The following RBMS3 variants were observed in gnomAD, a reference collection of about 807,000 sequenced individuals.
The protein encoded by RBMS3 is RNA-binding motif, single-stranded-interacting protein 3.
Under a neutral mutation model 66.8 loss-of-function variants are expected in RBMS3, and 27 were observed. That is an observed-to-expected ratio of 0.40 (90% CI 0.30 to 0.56). RBMS3 has a LOEUF of 0.56. Among genes scored for constraint, RBMS3 ranks in the 20% least tolerant of loss-of-function variants. RBMS3 has a pLI of 0.40. For missense variants in RBMS3, 513 were observed against 549.5 expected (o/e 0.93, Z 0.66); for synonymous variants, 188 against 183.0 (o/e 1.03, Z -0.22).
At chr3:29,507,781 A>G (rs548459372) in intron 3 of RBMS3, among the ~76,000 whole-genome samples, 3 of 152,258 alleles carry the variant, frequency 2.0e-5, no homozygotes, top group Admixed American at 6.5e-5. Context: ...ACAATTCTCT[A>G]AACATAATGC....
chr3:29,694,592 G>A (rs1281037586), intron 4 of RBMS3, among the ~76,000 whole-genome samples: 1 of 152,024 alleles, frequency 6.6e-6, no homozygotes, highest in East Asian at 1.9e-4. Context: ...GGATGTAGGT[G>A]GTCACAGTAA....
At chr3:29,481,214 G>A (rs190646046) in intron 2 of RBMS3, among the ~76,000 whole-genome samples, 1 of 152,310 alleles carries the variant, frequency 6.6e-6, no homozygotes, top group Non-Finnish European at 1.5e-5. Context: ...TGTTATAAAA[G>A]TAGGTGCCAG....
At chr3:29,327,503 C>T (rs1189942939) in intron 1 of RBMS3, among the ~76,000 whole-genome samples, 4 of 152,150 alleles carry the variant, frequency 2.6e-5, no homozygotes, top group Admixed American at 2.6e-4. Flanking sequence ...CCTTTTCCTC[C>T]TCCTTCTGTT....
At chr3:29,759,080 G>A (rs2055550421) in intron 5 of RBMS3, among the ~76,000 whole-genome samples, 1 of 152,148 alleles carries the variant, frequency 6.6e-6, no homozygotes, top group Non-Finnish European at 1.5e-5. Flanking sequence ...GTTTTGCAAA[G>A]TACGTTTCTA....
intron 4 of RBMS3, among the ~76,000 whole-genome samples, chr3:29,731,457 C>T (rs2054131561): frequency 6.6e-6 from 1 of 152,118 alleles, no homozygotes; most frequent in African/African-American, 2.4e-5. Context: ...AGACAGAAGA[C>T]AATTGAAAAT....
At chr3:29,672,961 A>C (rs2051072276) in intron 4 of RBMS3, among the ~76,000 whole-genome samples, 2 of 152,184 alleles carry the variant, frequency 1.3e-5, no homozygotes, top group South Asian at 4.1e-4. Context: ...CTCCACCCCA[A>C]ATCAACAGAA....
intron 1 of RBMS3, among the ~76,000 whole-genome samples, chr3:29,349,079 T>C (rs62241726): frequency 0.22 from 33,633 of 152,106 alleles, 4,681 homozygotes; most frequent in Non-Finnish European, 0.3. Flanking sequence ...TTACCAGGTC[T>C]CTCTCTTTCT....
chr3:29,763,040 C>A, intron 6 of RBMS3, 51 bp downstream of exon 6: 1 of 1,270,998 alleles, frequency 7.9e-7, no homozygotes, highest in South Asian at 1.2e-5. Context: ...TTAAATTGCT[C>A]TTATTAGAAT....
intron 12 of RBMS3, among the ~76,000 whole-genome samples, chr3:29,949,491 C>A (rs1695537942): frequency 6.6e-6 from 1 of 151,788 alleles, no homozygotes; most frequent in South Asian, 2.1e-4. Flanking sequence ...CCTGCTCTCT[C>A]TAATCAATTT....
intron 3 of RBMS3, among the ~76,000 whole-genome samples, chr3:29,535,222 T>C (rs1209474358): frequency 6.6e-6 from 1 of 152,170 alleles, no homozygotes; most frequent in East Asian, 1.9e-4. Flanking sequence ...TCATCTTATA[T>C]AGCAAAAATA....
At chr3:29,748,113 A>G (rs745530760) in intron 5 of RBMS3, among the ~76,000 whole-genome samples, 1 of 152,186 alleles carries the variant, frequency 6.6e-6, no homozygotes, top group Non-Finnish European at 1.5e-5. Context: ...TTCTGTCTTC[A>G]GAGGGAACAT....
intron 4 of RBMS3, among the ~76,000 whole-genome samples, chr3:29,725,358 A>G (rs949020837): frequency 6.6e-6 from 1 of 152,202 alleles, no homozygotes; most frequent in African/African-American, 2.4e-5. Context: ...ACAAGAAACA[A>G]CTAAGATCAC....
rs1340839770 is a variant in RBMS3, at chr3:29,739,823, C to G, written c.503C>G (p.Ser168Cys). 6 of 1,613,006 alleles carry G rather than the reference C, an allele frequency of 3.7e-6. No individual in the cohort carries two copies. In the Admixed American group the frequency reaches 1.0e-4, roughly 27 times the overall value. The change falls in exon 5 of 15, where the codon TCC becomes TGC. Residue 168 changes from serine (S) to cysteine (C), a missense_variant. By Grantham distance (112) the Ser-to-Cys change is moderately radical. Transcript: ENST00000383767. ...NMLKPFGHVI[S>C]TRILRDANGV... ...CTGAAACCCTTTGGACATGTCATTT[C>G]CACAAGAATACTAAGAGACGCTAAT...
intron 12 of RBMS3, among the ~76,000 whole-genome samples, chr3:29,949,053 G>A (rs1270591537): frequency 6.6e-6 from 1 of 151,578 alleles, no homozygotes; most frequent in Non-Finnish European, 1.5e-5. Flanking sequence ...TCCTGCTGGT[G>A]CATTTATTTT....
At chr3:29,667,629 A>G (rs188579621) in intron 4 of RBMS3, among the ~76,000 whole-genome samples, 3 of 152,328 alleles carry the variant, frequency 2.0e-5, no homozygotes, top group Middle Eastern at 3.4e-3. Context: ...AGAAGAAATT[A>G]TCCTGAAGAT....
chr3:29,298,522 G>A (rs2033446358), intron 1 of RBMS3, among the ~76,000 whole-genome samples: 1 of 151,276 alleles, frequency 6.6e-6, no homozygotes, highest in Non-Finnish European at 1.5e-5. Flanking sequence ...TCAAAATAAT[G>A]TTTCACTTTC....
chr3:29,409,910 A>G (rs2040191845), intron 1 of RBMS3, among the ~76,000 whole-genome samples: 1 of 152,084 alleles, frequency 6.6e-6, no homozygotes, highest in African/African-American at 2.4e-5. Flanking sequence ...GTGCACTGTT[A>G]TGGGTCTGTT....
At chr3:29,394,301 A>T (rs903322249) in intron 1 of RBMS3, among the ~76,000 whole-genome samples, 3 of 152,148 alleles carry the variant, frequency 2.0e-5, no homozygotes, top group Non-Finnish European at 4.4e-5. Context: ...AGGCAGTCAG[A>T]CTTTATGGTT....
chr3:29,694,627 T>G (rs2052180943), intron 4 of RBMS3, among the ~76,000 whole-genome samples: 1 of 152,136 alleles, frequency 6.6e-6, no homozygotes, highest in Admixed American at 6.5e-5. Context: ...TTTTTTGAAT[T>G]CCAATTAATA....
Sources: allele counts gnomAD v4.1 joint callset (sites outside exome capture counted in the v4.1 genomes callset), GRCh38; gene constraint gnomAD v4.1.1; transcripts MANE v1.5; gene names NCBI Gene and HGNC (gene_info 2026-07-23, HGNC 2026-07-21).